Variants in CDK7 observed in about 807,000 individuals in gnomAD.
The protein encoded by CDK7 is cyclin dependent kinase 7.
A neutral mutation model predicts 49.1 loss-of-function variants in CDK7; 25 were observed. The observed-to-expected ratio is 0.51, with a 90% CI of 0.37 to 0.71. CDK7 has a LOEUF of 0.71. CDK7 is among the 30% of genes least tolerant of loss of function. CDK7 has a pLI of 0.00. For synonymous variants in CDK7, 107 were observed against 140.0 expected (o/e 0.76, Z 1.67); for missense variants, 316 against 411.7 (o/e 0.77, Z 2.01).
intron 9 of CDK7, 39 bp downstream of exon 9, chr5:69,269,332 C>T: frequency 7.0e-7 from 1 of 1,419,128 alleles, no homozygotes; most frequent in African/African-American, 1.4e-5. Flanking sequence ...GTAATTAGGA[C>T]TCTGTAAAGT....
In CDK7 at chr5:69,252,411, C is replaced by T. The variant is rs1456186483; in HGVS notation, c.127-7C>T. ...AATATATTTGGGTTTTTTTCCGTTT[C>T]TACCAGATCAAACTTGGACATAGAT... On this transcript the variant is annotated splice_polypyrimidine_tract_variant and splice_region_variant and intron_variant, in intron 2 of 11. Transcript: ENST00000256443. 5 of 1,529,202 alleles carry T rather than the reference C, an allele frequency of 3.3e-6. No individual in the cohort carries two copies. Among genetic ancestry groups the T allele is most frequent in the Admixed American group, 2.0e-5 (1 of 51,024 alleles). 94.7% of individuals were successfully genotyped at this position (1,529,202 alleles called of 1,614,324 possible).
Position 69,254,590 on chromosome 5 carries a change from C to A in CDK7, c.161-12C>A. 7.8e-7 allele frequency: 1 copy of A among 1,285,916 alleles called. No homozygotes were observed. 79.7% of individuals were successfully genotyped at this position (1,285,916 alleles called of 1,614,324 possible). A position where few individuals can be genotyped will look rare whatever the true frequency, so the allele number is the denominator to read the frequency against. On this transcript the variant is annotated splice_polypyrimidine_tract_variant and intron_variant, in intron 3 of 11. Coordinates refer to ENST00000256443, the MANE Select transcript of CDK7 (RefSeq NM_001799.4). ...CAGAATTATTCACTTTTTGCTTTGC[C>A]TTTTTATATAGGTATAAATAGAACC... is the stretch of plus-strand genomic sequence containing the variant.
At chr5:69,241,314 C>CTTTTTTTTTTTTTTTTTT in intron 2 of CDK7, among the ~76,000 whole-genome samples, 1 of 35,192 alleles carries the variant, frequency 2.8e-5, no homozygotes, top group Non-Finnish European at 5.0e-5. Flanking sequence ...TAGGTTTTTT[C>CTTTTTTTTTTTTTTTTTT]TTTTTTTTTT....
At chr5:69,264,982 G>A (rs1344764202) in intron 8 of CDK7, among the ~76,000 whole-genome samples, 1 of 145,988 alleles carries the variant, frequency 6.8e-6, no homozygotes, top group Non-Finnish European at 1.5e-5. Context: ...AAAAAAAAAA[G>A]GCCAGGCACG....
At chr5:69,271,870 A>G (rs1751584362) in intron 9 of CDK7, among the ~76,000 whole-genome samples, 1 of 151,346 alleles carries the variant, frequency 6.6e-6, no homozygotes, top group Admixed American at 6.6e-5. Context: ...ACTTAAGTCC[A>G]AGATCTGTTT....
chr5:69,235,250 T>A (rs1429135335), intron 1 of CDK7, 144 bp from the exon 2 acceptor site: 8 of 778,972 alleles, frequency 1.0e-5, no homozygotes, highest in Non-Finnish European at 1.5e-5. Context: ...AGCCTGGAGC[T>A]GGACGGAGAC....
intron 9 of CDK7, among the ~76,000 whole-genome samples, chr5:69,270,349 G>A (rs191285384): frequency 6.6e-6 from 1 of 152,316 alleles, no homozygotes; most frequent in East Asian, 1.9e-4. Context: ...GGAGGCTGAG[G>A]TAGGAGGATT....
Position 69,261,488 on chromosome 5 carries a change from C to CTGTGTGTGTGTGTGTGTG in CDK7, c.528-716_528-715insGTGTGTGTGTGTGTGTGT, listed in dbSNP as rs376469145. 8.5e-4 allele frequency among the ~76,000 whole-genome samples: 102 copies of CTGTGTGTGTGTGTGTGTG among 120,308 alleles called. 1 individual carries two copies. Among genetic ancestry groups the CTGTGTGTGTGTGTGTGTG allele is most frequent in the East Asian group, 2.6e-3 (10 of 3,888 alleles). The allele number at this position is 120,308 out of a possible 152,430, so 78.9% of individuals were successfully genotyped here. A position where few individuals can be genotyped will look rare whatever the true frequency, so the allele number is the denominator to read the frequency against. On this transcript the variant is annotated intron_variant, in intron 7 of 11. Coordinates refer to ENST00000256443, the MANE Select transcript of CDK7 (RefSeq NM_001799.4). ...GGATGAAAGCCTGATTGAAAAGGTT[C>CTGTGTGTGTGTGTGTGTG]TCTGTGTGTGTGTGTGTGTGTGTGT...
At chr5:69,238,575 C>A (rs1749160080) in intron 2 of CDK7, among the ~76,000 whole-genome samples, 1 of 151,950 alleles carries the variant, frequency 6.6e-6, no homozygotes, top group African/African-American at 2.4e-5. Context: ...GTGTGAGCCC[C>A]TGTACTCAGC....
chr5:69,261,163 A>T (rs749141855), intron 7 of CDK7, among the ~76,000 whole-genome samples: 1 of 152,116 alleles, frequency 6.6e-6, no homozygotes, highest in Non-Finnish European at 1.5e-5. Flanking sequence ...TTCCAAATAG[A>T]TGTCACTGAG....
At chr5:69,270,066 CA>C (rs768838177) in intron 9 of CDK7, among the ~76,000 whole-genome samples, 15,617 of 65,512 alleles carry the variant, frequency 0.24, 918 homozygotes, top group African/African-American at 0.3. Flanking sequence ...ACTCTGTCTC[CA>C]AAAAAAAAAA....
chr5:69,274,803 A>G (rs146712109), intron 10 of CDK7, among the ~76,000 whole-genome samples: 5,709 of 152,102 alleles, frequency 0.038, 394 homozygotes, highest in African/African-American at 0.13. Flanking sequence ...TTTAGTAGAG[A>G]CAGGGTTTCA....
chr5:69,269,168 A>G (rs1206455814), intron 8 of CDK7, 39 bp from the exon 9 acceptor site: 1 of 1,355,134 alleles, frequency 7.4e-7, no homozygotes, highest in Non-Finnish European at 1.0e-6. Flanking sequence ...TAAAAAAAAA[A>G]AACCCACCTT....
chr5:69,270,571 A>G (rs1751462426), intron 9 of CDK7, among the ~76,000 whole-genome samples: 2 of 152,216 alleles, frequency 1.3e-5, no homozygotes, highest in African/African-American at 4.8e-5. Context: ...GATACAGAAT[A>G]TCACCACAAG....
intron 9 of CDK7, among the ~76,000 whole-genome samples, chr5:69,270,605 A>G (rs190448168): frequency 9.3e-4 from 141 of 152,324 alleles, no homozygotes; most frequent in Admixed American, 1.5e-3. Context: ...ATTCTTTTAT[A>G]GCTATGCTTA....
intron 9 of CDK7, among the ~76,000 whole-genome samples, chr5:69,270,859 C>T (rs569946663): frequency 2.6e-5 from 4 of 152,254 alleles, no homozygotes; most frequent in East Asian, 3.9e-4. Flanking sequence ...TTTCTTCAAC[C>T]GTTCACCCAT....
At chr5:69,256,723 A>T (rs2150208238) in intron 5 of CDK7, among the ~76,000 whole-genome samples, 1 of 152,256 alleles carries the variant, frequency 6.6e-6, no homozygotes, top group Non-Finnish European at 1.5e-5. Flanking sequence ...AATATTAGTG[A>T]TGCTGTTATA....
Position 69,269,768 on chromosome 5 carries a change from T to C in CDK7, c.714+475T>C, listed in dbSNP as rs1201350930. Among the ~76,000 whole-genome samples the C allele has an allele frequency of 2.0e-5, 3 of 151,432 alleles. No homozygotes were observed. In the East Asian group the frequency reaches 5.9e-4, roughly 30 times the overall value. ...TTTAAATTATTATTATTTTTTTTAATAGAGATGGGGTTTCACCGTGATGCC... is the reference window on the plus strand; with the variant it reads ...TTTAAATTATTATTATTTTTTTTAACAGAGATGGGGTTTCACCGTGATGCC... On this transcript the variant is annotated intron_variant, in intron 9 of 11. Transcript: ENST00000256443.
chr5:69,256,481 G>T (rs529254980), intron 5 of CDK7, among the ~76,000 whole-genome samples: 60 of 152,146 alleles, frequency 3.9e-4, no homozygotes, highest in Non-Finnish European at 6.6e-4. Flanking sequence ...AGCCTCCTGA[G>T]TAGCTGGGAT....
Sources: gnomAD v4.1 joint callset for allele counts (sites outside exome capture counted in the v4.1 genomes callset) on GRCh38, gnomAD v4.1.1 for gene constraint, MANE v1.5 for transcripts, NCBI Gene and HGNC (gene_info 2026-07-23, HGNC 2026-07-21) for gene names.